Variants in ANKS1B observed in about 807,000 individuals in gnomAD.
ANKS1B encodes ankyrin repeat and sterile alpha motif domain containing 1B, also known as ankyrin repeat and sterile alpha motif domain-containing protein 1B.
A neutral mutation model predicts 148.3 loss-of-function variants in ANKS1B; 36 were observed. That is an observed-to-expected ratio of 0.24 (90% CI 0.19 to 0.32). The LOEUF is 0.32. ANKS1B is among the 10% of genes least tolerant of loss of function. The pLI is 1.00. For missense variants in ANKS1B, 1,157 were observed against 1,542.6 expected (o/e 0.75, Z 4.19); for synonymous variants, 542 against 560.8 (o/e 0.97, Z 0.47).
intron 8 of ANKS1B, among the ~76,000 whole-genome samples, chr12:99,674,169 T>C (rs975216372): frequency 6.6e-6 from 1 of 151,900 alleles, no homozygotes; most frequent in Admixed American, 6.6e-5. Context: ...TAATAATGTT[T>C]GAGAAAGCTG....
At chr12:99,746,595 A>C (rs914377577) in intron 8 of ANKS1B, among the ~76,000 whole-genome samples, 6 of 152,030 alleles carry the variant, frequency 3.9e-5, no homozygotes, top group African/African-American at 1.5e-4. Context: ...AAAGTATATC[A>C]GTGCAACAAA....
chr12:99,124,438 G>GTGTGTGTGTGTA (rs2063751831), intron 15 of ANKS1B, among the ~76,000 whole-genome samples: 1 of 152,046 alleles, frequency 6.6e-6, no homozygotes, highest in East Asian at 1.9e-4. Flanking sequence ...GTGTGTGTAT[G>GTGTGTGTGTGTA]TGTGTAAGGC....
intron 16 of ANKS1B, among the ~76,000 whole-genome samples, chr12:99,064,333 G>T (rs1319586319): frequency 6.6e-6 from 1 of 152,186 alleles, no homozygotes; most frequent in African/African-American, 2.4e-5. Flanking sequence ...AGATCATGGA[G>T]TAAAATAGAA....
intron 16 of ANKS1B, among the ~76,000 whole-genome samples, chr12:99,065,558 T>G (rs2043840196): frequency 6.6e-6 from 1 of 151,268 alleles, no homozygotes; most frequent in African/African-American, 2.4e-5. Context: ...ACTTAGGGAG[T>G]TACAAAAATG....
intron 14 of ANKS1B, among the ~76,000 whole-genome samples, chr12:99,164,856 T>C (rs183355849): frequency 5.2e-4 from 79 of 152,208 alleles, no homozygotes; most frequent in Non-Finnish European, 1.9e-4. Context: ...TTAATATTTA[T>C]GTTGCACACT....
At chr12:99,451,162 T>G (rs964230176) in intron 10 of ANKS1B, among the ~76,000 whole-genome samples, 5 of 152,204 alleles carry the variant, frequency 3.3e-5, no homozygotes, top group African/African-American at 1.2e-4. Context: ...AAGAGGACTA[T>G]CTTCTTGTCA....
At chr12:99,264,615 C>T (rs566664100) in intron 12 of ANKS1B, among the ~76,000 whole-genome samples, 2 of 152,036 alleles carry the variant, frequency 1.3e-5, no homozygotes, top group Non-Finnish European at 2.9e-5. Flanking sequence ...AAAAATTTTA[C>T]GTCAAAGGAT....
chr12:99,543,108 T>C (rs1361515422), intron 9 of ANKS1B, among the ~76,000 whole-genome samples: 2 of 152,074 alleles, frequency 1.3e-5, no homozygotes, highest in African/African-American at 2.4e-5. Flanking sequence ...ATTCAGACCA[T>C]ATGAAGAACT....
At chr12:99,781,063 C>CAAAAAAAAAAAAAAAAAAAA (rs35901124) in intron 5 of ANKS1B, among the ~76,000 whole-genome samples, 1 of 120,234 alleles carries the variant, frequency 8.3e-6, no homozygotes, top group Non-Finnish European at 1.7e-5. Flanking sequence ...CACATAATTG[C>CAAAAAAAAAAAAAAAAAAAA]AAAAAAAAAA....
chr12:99,644,046 C>T (rs754802595), intron 9 of ANKS1B, among the ~76,000 whole-genome samples: 2 of 152,176 alleles, frequency 1.3e-5, no homozygotes, highest in African/African-American at 4.8e-5. Flanking sequence ...CACAATTTAT[C>T]TCTTTCCTCC....
chr12:99,543,078 A>G (rs1312212010), intron 9 of ANKS1B, among the ~76,000 whole-genome samples: 2 of 152,126 alleles, frequency 1.3e-5, no homozygotes, highest in Non-Finnish European at 2.9e-5. Flanking sequence ...TAAAAATCAT[A>G]TATTTGATAT....
rs148722124 is a variant in ANKS1B, at chr12:98,778,332, C to T, written c.3441+2785G>A. ...CTCTACTAAAAATACAAAAATTAGC[C>T]GGGCATGGTGGCACACACCTGTAAT... On this transcript the variant is annotated intron_variant, in intron 24 of 26. Transcript: ENST00000683438. 5.7e-3 allele frequency among the ~76,000 whole-genome samples: 866 copies of T among 152,042 alleles called. 8 individuals are homozygous for T. Among genetic ancestry groups the T allele is most frequent in the African/African-American group, 0.019 (806 of 41,458 alleles).
chr12:99,124,106 G>A (rs1360683531), intron 15 of ANKS1B, among the ~76,000 whole-genome samples: 1 of 152,116 alleles, frequency 6.6e-6, no homozygotes, highest in African/African-American at 2.4e-5. Context: ...TGAGTAAAGG[G>A]GTAATATAAT....
intron 17 of ANKS1B, among the ~76,000 whole-genome samples, chr12:99,024,758 G>T (rs570659589): frequency 6.6e-6 from 1 of 152,134 alleles, no homozygotes; most frequent in Non-Finnish European, 1.5e-5. Flanking sequence ...AGTTAGGAGC[G>T]TACTTTAGAT....
intron 11 of ANKS1B, among the ~76,000 whole-genome samples, chr12:99,408,277 G>GTTTT (rs2094580347): frequency 6.9e-6 from 1 of 145,446 alleles, no homozygotes; most frequent in Admixed American, 6.8e-5. Flanking sequence ...GGTGGTGGTG[G>GTTTT]AAAAACAGGA....
chr12:99,869,003 G>T (rs1264761754), intron 1 of ANKS1B, among the ~76,000 whole-genome samples: 4 of 152,120 alleles, frequency 2.6e-5, no homozygotes, highest in African/African-American at 9.7e-5. Flanking sequence ...GTTGTAGCGA[G>T]TGGAGATTGC....
intron 12 of ANKS1B, among the ~76,000 whole-genome samples, chr12:99,297,101 T>C (rs183789677): frequency 6.6e-6 from 1 of 152,260 alleles, no homozygotes. Flanking sequence ...AATGTGAATA[T>C]CTAGAACAAA....
At chr12:99,413,752 A>G (rs563910447) in intron 11 of ANKS1B, among the ~76,000 whole-genome samples, 1 of 152,310 alleles carries the variant, frequency 6.6e-6, no homozygotes, top group East Asian at 1.9e-4. Flanking sequence ...ACAAATTATA[A>G]AACAGACTGT....
chr12:98,875,032 C>A (rs2099684480), intron 17 of ANKS1B, among the ~76,000 whole-genome samples: 1 of 152,164 alleles, frequency 6.6e-6, no homozygotes, highest in African/African-American at 2.4e-5. Context: ...AGTGTAACTT[C>A]CTATAATGAC....
Sources: gnomAD v4.1 joint callset for allele counts (sites outside exome capture counted in the v4.1 genomes callset) on GRCh38, gnomAD v4.1.1 for gene constraint, MANE v1.5 for transcripts, NCBI Gene and HGNC (gene_info 2026-07-23, HGNC 2026-07-21) for gene names.